Variants in KIAA0586 observed in about 807,000 individuals in gnomAD.
KIAA0586 encodes the protein KIAA0586, also known as protein TALPID3.
In KIAA0586, 144 loss-of-function variants were observed where a neutral mutation model predicts 169.8. That is an observed-to-expected ratio of 0.85 (90% CI 0.74 to 0.97). The LOEUF is 0.97. Among genes scored for constraint, KIAA0586 ranks in the 50% least tolerant of loss-of-function variants. KIAA0586 has a pLI of 0.00. For missense variants in KIAA0586, 1,854 were observed against 1,823.0 expected (o/e 1.02, Z -0.31); for synonymous variants, 625 against 612.4 (o/e 1.02, Z -0.30).
intron 7 of KIAA0586, among the ~76,000 whole-genome samples, chr14:58,448,847 T>G (rs1215300191): frequency 6.6e-6 from 1 of 152,168 alleles, no homozygotes; most frequent in African/African-American, 2.4e-5. Context: ...ACAAAAATGC[T>G]TGTAAATAAA....
At chr14:58,553,307 T>C (rs2047228402), downstream of KIAA0586, among the ~76,000 whole-genome samples, 1 of 152,182 alleles carries the variant, frequency 6.6e-6, no homozygotes, top group Non-Finnish European at 1.5e-5. Flanking sequence ...GATTTGAGTG[T>C]TGCCTGGAGC....
In KIAA0586 at chr14:58,443,840, G is replaced by A. The variant is rs1352326959; in HGVS notation, c.586-114G>A. The A allele has an allele frequency of 4.5e-6, 3 of 666,772 alleles. No homozygotes were observed. The Admixed American group carries it at 8.8e-5, about 20-fold the overall frequency. 41.3% of individuals were successfully genotyped at this position (666,772 alleles called of 1,614,324 possible). On this transcript the variant is annotated intron_variant, in intron 5 of 30. Coordinates refer to ENST00000652326, the MANE Select transcript of KIAA0586 (RefSeq NM_001329943.3). The stretch of plus-strand genomic sequence containing the variant: ...AATCATTAGACATTTAGTGGGTAAA[G>A]GCTCAAATTAGATCACTTATCAATG...
In KIAA0586 at chr14:58,550,396, T is replaced by C. The variant is rs188518194; in HGVS notation, c.*2464T>C. 2 of 152,246 alleles carry C rather than the reference T, an allele frequency of 1.3e-5. No homozygotes were observed. Among genetic ancestry groups the C allele is most frequent in the Non-Finnish European group, 2.9e-5 (2 of 68,036 alleles). 9.4% of individuals were successfully genotyped at this position (152,246 alleles called of 1,614,324 possible). ...TTCAGATTCTTTTGGAATAAGACGA[T>C]GTACGTAAAAACAAACTAAATGGAA... On this transcript the variant is annotated 3_prime_UTR_variant, in exon 31 of 31. Transcript: ENST00000652326.
At chr14:58,542,792 G>A (rs1266526466) in intron 30 of KIAA0586, among the ~76,000 whole-genome samples, 1 of 152,058 alleles carries the variant, frequency 6.6e-6, no homozygotes, top group African/African-American at 2.4e-5. Flanking sequence ...TGCTTTCTAT[G>A]TTCCAGCACT....
Position 58,468,195 on chromosome 14 carries a change from G to A in KIAA0586, c.2442+273G>A, listed in dbSNP as rs556912786. ...TGAGTAGCTGGGATTACAGGCGCCCGCCACCATGCCCAGCTAATTTTTTGT... is the reference window on the plus strand; with the variant it reads ...TGAGTAGCTGGGATTACAGGCGCCCACCACCATGCCCAGCTAATTTTTTGT... On this transcript the variant is annotated intron_variant, in intron 16 of 30. Coordinates refer to ENST00000652326, the MANE Select transcript of KIAA0586 (RefSeq NM_001329943.3). Among the ~76,000 whole-genome samples, 7 of 152,162 alleles carry A rather than the reference G, an allele frequency of 4.6e-5. No individual in the cohort carries two copies. In the East Asian group the frequency reaches 5.8e-4, roughly 13 times the overall value.
intron 10 of KIAA0586, among the ~76,000 whole-genome samples, chr14:58,457,538 G>C (rs2039972857): frequency 6.6e-6 from 1 of 152,330 alleles, no homozygotes; most frequent in South Asian, 2.1e-4. Flanking sequence ...AAAGTGTTGG[G>C]ATTACAGGCG....
the KIAA0586 span, among the ~76,000 whole-genome samples, chr14:58,561,591 C>T: frequency 6.1e-4 from 93 of 151,988 alleles, no homozygotes; most frequent in Middle Eastern, 6.8e-3. Context: ...AAGCTTTTGC[C>T]GAGTATTATT....
At chr14:58,438,952 CGT>C (rs1304346154) in intron 4 of KIAA0586, among the ~76,000 whole-genome samples, 1 of 151,904 alleles carries the variant, frequency 6.6e-6, no homozygotes, top group African/African-American at 2.4e-5. Flanking sequence ...TGAATGGTGA[CGT>C]GTAGGAAGTT....
chr14:58,431,416 C>T (rs2037361204), intron 3 of KIAA0586, among the ~76,000 whole-genome samples: 1 of 152,086 alleles, frequency 6.6e-6, no homozygotes. Flanking sequence ...GTGCACACCA[C>T]CACACCCAGC....
In KIAA0586 at chr14:58,450,668, G is replaced by A; in HGVS notation, c.1051G>A (p.Val351Ile). 1.2e-6 allele frequency: 2 copies of A among 1,609,762 alleles called. No homozygotes were observed. The highest frequency in any genetic ancestry group is 8.5e-7 in the Non-Finnish European group (1 of 1,176,184). Reference sequence around the variant, plus strand: ...ACCTCGCAGATTTGCTCCTGTACCTGTTTCAAGGGATGATGAACTATCAAA... The same window carrying A: ...ACCTCGCAGATTTGCTCCTGTACCTATTTCAAGGGATGATGAACTATCAAA... Reference protein sequence around the residue: ...PAPRRFAPVPVSRDDELSKRE... With the variant: ...PAPRRFAPVPISRDDELSKRE... The change falls in exon 8 of 31, where the codon GTT (valine) becomes ATT (isoleucine). Residue 351 changes from valine (V) to isoleucine (I), a missense_variant. Transcript: ENST00000652326.
At chr14:58,533,194 A>G (rs1025088476) in intron 29 of KIAA0586, among the ~76,000 whole-genome samples, 1 of 152,224 alleles carries the variant, frequency 6.6e-6, no homozygotes, top group African/African-American at 2.4e-5. Flanking sequence ...CCTGGAAATC[A>G]TATGTTGGAT....
Position 58,458,467 on chromosome 14 carries a change from T to C in KIAA0586, c.1584-6T>C. ...ATTTAAGAAAATTCCTTTTTCTCTT[T>C]TATAGAGAGATGTCAGAGAAAATTA... is the stretch of plus-strand genomic sequence containing the variant. On this transcript the variant is annotated splice_region_variant and splice_polypyrimidine_tract_variant and intron_variant, in intron 11 of 30. Transcript: ENST00000652326. 6.7e-7 allele frequency: 1 copy of C among 1,490,766 alleles called. No individual in the cohort carries two copies. Among genetic ancestry groups the C allele is most frequent in the Non-Finnish European group, 9.1e-7 (1 of 1,093,876 alleles). 92.3% of individuals were successfully genotyped at this position (1,490,766 alleles called of 1,614,324 possible).
At position 58,496,848 on chromosome 14, in the gene KIAA0586, T is replaced by C. The variant is rs950780491; in HGVS notation, c.3991-1935T>C. 2.6e-5 allele frequency among the ~76,000 whole-genome samples: 4 copies of C among 152,198 alleles called. No homozygotes were observed. The East Asian group carries it at 7.7e-4, about 29-fold the overall frequency. On this transcript the variant is annotated intron_variant, in intron 26 of 30. Coordinates refer to ENST00000652326, the MANE Select transcript of KIAA0586 (RefSeq NM_001329943.3). The stretch of plus-strand genomic sequence containing the variant: ...TTCAGTTCTTAATTAGTAAATTCAT[T>C]AATTAGAATATCTCAAGTCATAAAA...
At chr14:58,506,835 A>G (rs1445064262) in intron 27 of KIAA0586, among the ~76,000 whole-genome samples, 4 of 152,062 alleles carry the variant, frequency 2.6e-5, no homozygotes, top group Admixed American at 1.3e-4. Flanking sequence ...GAAAATATCT[A>G]TGGCGTCTTT....
At position 58,512,547 on chromosome 14, in the gene KIAA0586, T is replaced by C; in HGVS notation, c.4349T>C (p.Val1450Ala). The C allele has an allele frequency of 6.5e-7, 1 of 1,539,868 alleles. No individual in the cohort carries two copies. Among genetic ancestry groups the C allele is most frequent in the Non-Finnish European group, 8.7e-7 (1 of 1,150,478 alleles). The change falls in exon 29 of 31, where the codon GTT (valine) becomes GCT (alanine). Residue 1450 changes from valine to alanine, a missense_variant. Coordinates refer to ENST00000652326, the MANE Select transcript of KIAA0586 (RefSeq NM_001329943.3). ...TACCAACTAAAGCAAAATCAGGATGTTAAGCAAGTTGAACACAAACCATCA... is the reference window on the plus strand; with the variant it reads ...TACCAACTAAAGCAAAATCAGGATGCTAAGCAAGTTGAACACAAACCATCA... ...SQYQLKQNQD[V>A]KQVEHKPSQS...
intron 19 of KIAA0586, among the ~76,000 whole-genome samples, chr14:58,475,547 A>C (rs1488723267): frequency 6.6e-6 from 1 of 152,148 alleles, no homozygotes; most frequent in African/African-American, 2.4e-5. Flanking sequence ...ACAAGCTGTA[A>C]TATGTTATTA....
intron 28 of KIAA0586, 125 bp downstream of exon 28, chr14:58,508,834 T>C (rs1188593400): frequency 1.6e-5 from 11 of 688,836 alleles, no homozygotes; most frequent in Non-Finnish European, 2.4e-5. Flanking sequence ...CCTCCTTTAT[T>C]TCCTAACTCA....
intron 29 of KIAA0586, among the ~76,000 whole-genome samples, chr14:58,514,966 G>A (rs995538921): frequency 6.6e-6 from 1 of 151,746 alleles, no homozygotes; most frequent in Non-Finnish European, 1.5e-5. Context: ...CAATTTATTT[G>A]TCATGAGCCC....
intron 21 of KIAA0586, among the ~76,000 whole-genome samples, chr14:58,486,394 A>C (rs1239929283): frequency 1.3e-5 from 2 of 152,070 alleles, no homozygotes; most frequent in South Asian, 4.2e-4. Context: ...TGCTGTTGTG[A>C]ATAGTGTGGC....
Sources: gnomAD v4.1 joint callset for allele counts (sites outside exome capture counted in the v4.1 genomes callset) on GRCh38, gnomAD v4.1.1 for gene constraint, MANE v1.5 for transcripts, NCBI Gene and HGNC (gene_info 2026-07-23, HGNC 2026-07-21) for gene names.